C17orf67: variants seen among roughly 807,000 people sequenced by gnomAD.
C17orf67 encodes the protein uncharacterized protein C17orf67.
C17orf67 carries 12 observed loss-of-function variants against 11.2 expected under a neutral mutation model. The observed-to-expected ratio is 1.07, with a 90% CI of 0.68 to 1.73. The LOEUF (loss-of-function observed/expected upper bound fraction) is 1.73, where lower values mean the gene tolerates loss of function less well. C17orf67 is among the 40% of genes most tolerant of loss of function. The pLI is 0.00. For missense variants in C17orf67, 115 were observed against 113.5 expected (o/e 1.01, Z -0.06); for synonymous variants, 59 against 46.9 (o/e 1.26, Z -1.05).
intron 7 of C17orf67, 78 bp downstream of exon 7, chr17:56,794,965 TG>T: frequency 9.8e-7 from 1 of 1,025,516 alleles, no homozygotes; most frequent in Non-Finnish European, 1.5e-6. Context: ...AGGCATGGTC[TG>T]GAAAGTCTCC....
intron 6 of C17orf67, among the ~76,000 whole-genome samples, chr17:56,813,034 T>C (rs1905668012): frequency 6.6e-6 from 1 of 151,968 alleles, no homozygotes; most frequent in Non-Finnish European, 1.5e-5. Flanking sequence ...GCACAGAAAA[T>C]GTCAGGGGGC....
intron 2 of C17orf67, among the ~76,000 whole-genome samples, chr17:56,828,853 C>CAAA (rs11346468): frequency 2.1e-4 from 26 of 123,058 alleles, no homozygotes; most frequent in African/African-American, 4.5e-4. Context: ...ACAGTGATGA[C>CAAA]AAAAAAAAAA....
chr17:56,817,575 T>C (rs1231484387), intron 4 of C17orf67, among the ~76,000 whole-genome samples: 1 of 152,108 alleles, frequency 6.6e-6, no homozygotes, highest in Non-Finnish European at 1.5e-5. Flanking sequence ...CATCTCAGCC[T>C]CCTGAGTATC....
chr17:56,810,816 C>G (rs1905604817), intron 6 of C17orf67, among the ~76,000 whole-genome samples: 1 of 152,274 alleles, frequency 6.6e-6, no homozygotes, highest in Non-Finnish European at 1.5e-5. Context: ...TATGCTCCAA[C>G]TGGGAGTGCA....
intron 4 of C17orf67, among the ~76,000 whole-genome samples, chr17:56,818,407 C>T (rs1905814157): frequency 6.6e-6 from 1 of 152,124 alleles, no homozygotes; most frequent in African/African-American, 2.4e-5. Flanking sequence ...CACCTATAAT[C>T]TTAACACTTT....
rs7219233 is a variant in C17orf67 at position 56,833,649 on chromosome 17, C to A, written c.-1033G>T. 0.016 allele frequency: 2,484 copies of A among 151,888 alleles called. 63 individuals carry two copies. The highest frequency in any genetic ancestry group is 0.057 in the African/African-American group (2,357 of 41,444). 9.4% of individuals were successfully genotyped at this position (151,888 alleles called of 1,614,324 possible). The stretch of plus-strand genomic sequence containing the variant: ...CCGCCGCGGCCAGGTCGGGCGGTGC[C>A]GCGCAGGCCGCCTCCCCCCCTCGCT... On this transcript the variant is annotated 5_prime_UTR_variant, in exon 1 of 8. Coordinates refer to ENST00000397861, the MANE Select transcript of C17orf67 (RefSeq NM_001085430.4).
intron 4 of C17orf67, among the ~76,000 whole-genome samples, chr17:56,820,011 T>G (rs923195250): frequency 1.7e-5 from 1 of 57,518 alleles, no homozygotes. Context: ...ACTTTTATTT[T>G]AATTGATGTA....
intron 4 of C17orf67, among the ~76,000 whole-genome samples, chr17:56,822,885 A>C (rs1905939360): frequency 6.6e-6 from 1 of 152,190 alleles, no homozygotes; most frequent in Non-Finnish European, 1.5e-5. Context: ...GGCCTTGGAC[A>C]GGGGCCTTTC....
chr17:56,830,560 C>A (rs1242088919), intron 2 of C17orf67, among the ~76,000 whole-genome samples: 1 of 152,086 alleles, frequency 6.6e-6, no homozygotes, highest in Non-Finnish European at 1.5e-5. Context: ...CCTTGGACAA[C>A]ATTGGGGAAC....
intron 6 of C17orf67, among the ~76,000 whole-genome samples, chr17:56,798,968 G>A (rs1445338324): frequency 6.6e-6 from 1 of 152,224 alleles, no homozygotes; most frequent in Non-Finnish European, 1.5e-5. Flanking sequence ...GGTGAGACAG[G>A]AGGCAAGAAA....
intron 4 of C17orf67, among the ~76,000 whole-genome samples, chr17:56,824,341 T>C (rs1041138353): frequency 2.0e-5 from 3 of 152,228 alleles, no homozygotes; most frequent in African/African-American, 7.2e-5. Flanking sequence ...GCTGCCACCA[T>C]GCCCTTAGAC....
chr17:56,796,305 T>C (rs747286461), intron 6 of C17orf67, among the ~76,000 whole-genome samples: 6 of 152,190 alleles, frequency 3.9e-5, no homozygotes, highest in Non-Finnish European at 8.8e-5. Flanking sequence ...TGTCCACCAA[T>C]AAATGAGTGG....
At chr17:56,794,589 TGAAGGCTGCAG>T (rs953761906) in intron 7 of C17orf67, among the ~76,000 whole-genome samples, 2 of 152,054 alleles carry the variant, frequency 1.3e-5, no homozygotes, top group African/African-American at 4.8e-5. Flanking sequence ...TTGGCAGCCT[TGAAGGCTGCAG>T]GAAGGCAGTA....
At chr17:56,826,214 A>G (rs911467636) in intron 2 of C17orf67, among the ~76,000 whole-genome samples, 1 of 152,198 alleles carries the variant, frequency 6.6e-6, no homozygotes, top group African/African-American at 2.4e-5. Context: ...TTAGTCTCCC[A>G]AAGTGCTGGG....
intron 4 of C17orf67, among the ~76,000 whole-genome samples, chr17:56,819,833 C>G (rs79040727): frequency 2.1e-3 from 326 of 152,280 alleles, no homozygotes; most frequent in African/African-American, 7.4e-3. Context: ...ACGCAATTCC[C>G]AATAAATCCA....
intron 6 of C17orf67, among the ~76,000 whole-genome samples, chr17:56,798,840 G>A (rs1899629): frequency 0.78 from 118,249 of 151,922 alleles, 46,130 homozygotes; most frequent in Middle Eastern, 0.85. Flanking sequence ...TCTCAAAAAA[G>A]ATAAATAAAC....
chr17:56,811,759 C>T (rs1034668139), intron 6 of C17orf67, among the ~76,000 whole-genome samples: 9 of 152,362 alleles, frequency 5.9e-5, no homozygotes, highest in East Asian at 5.8e-4. Flanking sequence ...TTGATCAGCA[C>T]GCACCACTTG....
At chr17:56,795,957 A>G (rs1157327251) in intron 6 of C17orf67, among the ~76,000 whole-genome samples, 3 of 152,244 alleles carry the variant, frequency 2.0e-5, no homozygotes, top group Non-Finnish European at 4.4e-5. Context: ...TAACTAAATC[A>G]TGTAATATAT....
intron 6 of C17orf67, among the ~76,000 whole-genome samples, chr17:56,809,816 AC>A (rs1410103394): frequency 3.3e-5 from 4 of 120,390 alleles, no homozygotes; most frequent in African/African-American, 1.3e-4. Context: ...TTACACATAC[AC>A]CCTCACACAC....
Sources: gnomAD v4.1 joint callset for allele counts (sites outside exome capture counted in the v4.1 genomes callset) on GRCh38, gnomAD v4.1.1 for gene constraint, MANE v1.5 for transcripts, NCBI Gene and HGNC (gene_info 2026-07-23, HGNC 2026-07-21) for gene names.